BCKDHB: variants seen among roughly 807,000 people sequenced by gnomAD.
BCKDHB encodes the protein branched chain keto acid dehydrogenase E1 subunit beta.
Under a neutral mutation model 48.5 loss-of-function variants are expected in BCKDHB, and 41 were observed. That is an observed-to-expected ratio of 0.85 (90% CI 0.66 to 1.10). BCKDHB has a LOEUF of 1.10. Among genes scored for constraint, BCKDHB ranks in the 50% least tolerant of loss-of-function variants. BCKDHB has a pLI of 0.00. For synonymous variants in BCKDHB, 201 were observed against 174.8 expected, an observed-to-expected ratio of 1.15 and a Z score of -1.18; for missense variants, 496 against 494.2, an observed-to-expected ratio of 1.00 and a Z score of -0.03.
rs1769066708 is a variant in BCKDHB at position 80,106,681 on chromosome 6, G to C, written c.-13G>C. Reference sequence around the variant, plus strand: ...GCGGCTGCATAGCCTGAGAATCCCGGTGGTGAGCGGGGATGGCGGTTGTAG... The same window carrying C: ...GCGGCTGCATAGCCTGAGAATCCCGCTGGTGAGCGGGGATGGCGGTTGTAG... On this transcript the variant is annotated 5_prime_UTR_variant, in exon 1 of 10. Coordinates refer to ENST00000320393, the MANE Select transcript of BCKDHB (RefSeq NM_183050.4). 26 of 1,551,134 alleles carry C rather than the reference G, an allele frequency of 1.7e-5. No homozygotes were observed. The highest frequency in any genetic ancestry group is 2.1e-5 in the Non-Finnish European group (24 of 1,147,890).
chr6:80,187,771 A>G (rs1582313698), intron 6 of BCKDHB, among the ~76,000 whole-genome samples: 1 of 152,210 alleles, frequency 6.6e-6, no homozygotes, highest in Non-Finnish European at 1.5e-5. Flanking sequence ...TCAAAACCAC[A>G]GTGAGATACC....
At chr6:80,204,760 C>T (rs74554904) in intron 8 of BCKDHB, among the ~76,000 whole-genome samples, 2,948 of 152,036 alleles carry the variant, frequency 0.019, 94 homozygotes, top group African/African-American at 0.067. Context: ...TTTTGGCAAC[C>T]GTGGAAGCAA....
At chr6:80,361,523 G>A in the BCKDHB span, among the ~76,000 whole-genome samples, 5 of 152,204 alleles carry the variant, frequency 3.3e-5, no homozygotes, top group African/African-American at 1.2e-4. Flanking sequence ...GTGGATGGAT[G>A]TGTTCTCCTT....
At chr6:80,320,844 G>A (rs1768679978) in intron 9 of BCKDHB, among the ~76,000 whole-genome samples, 1 of 152,052 alleles carries the variant, frequency 6.6e-6, no homozygotes, top group South Asian at 2.1e-4. Context: ...TACAACAATG[G>A]CCATATTTCT....
At chr6:80,225,068 G>A (rs940869815) in intron 8 of BCKDHB, among the ~76,000 whole-genome samples, 4 of 152,062 alleles carry the variant, frequency 2.6e-5, no homozygotes, top group Admixed American at 6.6e-5. Context: ...TTGAATATTC[G>A]AAGACAGCCT....
rs1442093780 is a variant in BCKDHB, at chr6:80,343,870, CAAGACACAGCAATCATCAGTGTT to C, written c.*67_*89del. On this transcript the variant is annotated 3_prime_UTR_variant, in exon 10 of 10. Coordinates refer to ENST00000320393, the MANE Select transcript of BCKDHB (RefSeq NM_183050.4). ...CCCCTGACATTAACGTACTGTTAAC[CAAGACACAGCAATCATCAGTGTT>C]TTGATGGTAACAAACTTTGATGGTA... 57 of 1,556,000 alleles carry C rather than the reference CAAGACACAGCAATCATCAGTGTT, an allele frequency of 3.7e-5. No homozygotes were observed. The highest frequency in any genetic ancestry group is 5.0e-5 in the Non-Finnish European group (56 of 1,128,144).
At chr6:80,315,247 C>T (rs548447926) in intron 9 of BCKDHB, among the ~76,000 whole-genome samples, 1 of 152,288 alleles carries the variant, frequency 6.6e-6, no homozygotes, top group Admixed American at 6.5e-5. Context: ...TGAGACTCCA[C>T]AGAGTTCTGT....
rs182781235 is a variant in BCKDHB, at chr6:80,298,128, T to C, written c.1038+24907T>C. ...CCTTTTAAATTTCTTTCTTTTTTTT[T>C]CCTAGACAGAGTCTCACTCTGTCAC... On this transcript the variant is annotated intron_variant, in intron 9 of 9. Coordinates refer to ENST00000320393, the MANE Select transcript of BCKDHB (RefSeq NM_183050.4). Among the ~76,000 whole-genome samples the C allele has an allele frequency of 9.2e-5, 14 of 152,310 alleles. No individual in the cohort carries two copies. In the East Asian group the frequency reaches 2.7e-3, roughly 29 times the overall value.
chr6:80,359,366 C>T, the BCKDHB span, among the ~76,000 whole-genome samples: 3 of 152,176 alleles, frequency 2.0e-5, no homozygotes, highest in African/African-American at 7.2e-5. Flanking sequence ...CCAGTCAACT[C>T]TCCCCATTGG....
intron 6 of BCKDHB, among the ~76,000 whole-genome samples, chr6:80,194,103 C>T (rs1774027817): frequency 1.3e-5 from 2 of 152,124 alleles, no homozygotes; most frequent in South Asian, 2.1e-4. Flanking sequence ...AGCCCAGTTT[C>T]TCATAGTCGG....
intron 9 of BCKDHB, chr6:80,307,386 A>T (rs1767934644): frequency 1.4e-5 from 14 of 966,632 alleles, no homozygotes; most frequent in Non-Finnish European, 1.7e-5. Context: ...TTTTTTCCAT[A>T]TTCTAAAATT....
In BCKDHB at chr6:80,163,202, GCTT is replaced by G. The variant is rs554102116; in HGVS notation, c.344-4470_344-4468del. On this transcript the variant is annotated intron_variant, in intron 3 of 9. Coordinates refer to ENST00000320393, the MANE Select transcript of BCKDHB (RefSeq NM_183050.4). Reference sequence around the variant, plus strand: ...TTACAGGTGTGAGCCATAGCGCCTGGCTTCTTCTCTCTTTTATAGCACCGTTTC... The same window carrying G: ...TTACAGGTGTGAGCCATAGCGCCTGGCTTCTCTCTTTTATAGCACCGTTTC... Among the ~76,000 whole-genome samples, 368 of 152,028 alleles carry G rather than the reference GCTT, an allele frequency of 2.4e-3. 4 individuals are homozygous for G. The highest frequency in any genetic ancestry group is 3.4e-3 in the Middle Eastern group (1 of 294).
intron 8 of BCKDHB, among the ~76,000 whole-genome samples, chr6:80,244,585 G>A (rs1776529466): frequency 6.6e-6 from 1 of 152,192 alleles, no homozygotes. Flanking sequence ...CAGGCAGTTT[G>A]CTCATGTGGC....
At chr6:80,372,480 A>G in the BCKDHB span, among the ~76,000 whole-genome samples, 1 of 152,128 alleles carries the variant, frequency 6.6e-6, no homozygotes, top group Non-Finnish European at 1.5e-5. Flanking sequence ...GACTTTCAGT[A>G]CTATGTTGAA....
chr6:80,293,256 C>CT (rs1453568887), intron 9 of BCKDHB, among the ~76,000 whole-genome samples: 2 of 152,236 alleles, frequency 1.3e-5, no homozygotes, highest in African/African-American at 4.8e-5. Context: ...CAGCACACCT[C>CT]TGCCTGGACA....
In BCKDHB at chr6:80,131,962, T is replaced by C. The variant is rs147933778; in HGVS notation, c.343+2733T>C. 1.7e-3 allele frequency among the ~76,000 whole-genome samples: 264 copies of C among 152,258 alleles called. 1 individual carries two copies. Among genetic ancestry groups the C allele is most frequent in the African/African-American group, 6.0e-3 (251 of 41,566 alleles). ...GGCTACCAAAGACTTTGAGAACTACTTAGGTAGCTACCTGACCTCATCTGC... is the reference window on the plus strand; with the variant it reads ...GGCTACCAAAGACTTTGAGAACTACCTAGGTAGCTACCTGACCTCATCTGC... On this transcript the variant is annotated intron_variant, in intron 3 of 9. Transcript: ENST00000320393.
chr6:80,269,282 C>A (rs949683143), intron 8 of BCKDHB, among the ~76,000 whole-genome samples: 2 of 152,064 alleles, frequency 1.3e-5, no homozygotes, highest in African/African-American at 4.8e-5. Flanking sequence ...GCCGTGTGTA[C>A]GGAGCTGGGA....
At chr6:80,127,695 T>A in intron 2 of BCKDHB, 71 bp downstream of exon 2, 1 of 1,326,998 alleles carries the variant, frequency 7.5e-7, no homozygotes, top group Non-Finnish European at 1.1e-6. Context: ...TTAAAATATT[T>A]ATGTGGAGCT....
chr6:80,352,529 C>G, the BCKDHB span, among the ~76,000 whole-genome samples: 1 of 152,150 alleles, frequency 6.6e-6, no homozygotes, highest in Non-Finnish European at 1.5e-5. Context: ...TCCAATGAAC[C>G]ACCATTTTCT....
Sources: gnomAD v4.1 joint callset for allele counts (sites outside exome capture counted in the v4.1 genomes callset) on GRCh38, gnomAD v4.1.1 for gene constraint, MANE v1.5 for transcripts, NCBI Gene and HGNC (gene_info 2026-07-23, HGNC 2026-07-21) for gene names.